DGCR2: variants seen among roughly 807,000 people sequenced by gnomAD.
DGCR2 encodes the protein integral membrane protein DGCR2/IDD.
DGCR2 carries 24 observed loss-of-function variants against 51.6 expected under a neutral mutation model. That is an observed-to-expected ratio of 0.47 (90% CI 0.34 to 0.65). DGCR2 has a LOEUF of 0.65. DGCR2 is among the 30% of genes least tolerant of loss of function. The pLI, the probability that DGCR2 is intolerant of heterozygous loss-of-function variation, is 0.01. For synonymous variants in DGCR2, 340 were observed against 315.4 expected, an observed-to-expected ratio of 1.08 and a Z score of -0.82; for missense variants, 765 against 772.1, an observed-to-expected ratio of 0.99 and a Z score of 0.11.
chr22:19,041,515 A>T (rs2082431853), intron 8 of DGCR2: 2 of 608,930 alleles, frequency 3.3e-6, no homozygotes, highest in Admixed American at 5.9e-5. Context: ...CTCTGGGCTG[A>T]CACTTCTGTC....
At chr22:19,095,427 C>T (rs557413374) in intron 1 of DGCR2, among the ~76,000 whole-genome samples, 2 of 151,992 alleles carry the variant, frequency 1.3e-5, no homozygotes, top group South Asian at 4.2e-4. Context: ...TTTGGGAGAC[C>T]GAGGCAGGCA....
chr22:19,063,232 A>C lies in DGCR2; in HGVS notation c.595T>G (p.Leu199Val). Reference protein sequence around the residue: ...QYVITGRNRSLEGRWEVAFKG... With the variant: ...QYVITGRNRSVEGRWEVAFKG... ...AATGCCACCTCCCAGCGACCTTCCA[A>C]GGAGCGGTTCCGGCCAGTGATAACA... is the stretch of plus-strand genomic sequence containing the variant. Residue 199 changes from leucine to valine, a missense_variant, in exon 5 of 10, where the codon TTG becomes GTG. Transcript: ENST00000263196. 6.2e-7 allele frequency: 1 copy of C among 1,614,212 alleles called. No individual in the cohort carries two copies. The highest frequency in any genetic ancestry group is 8.5e-7 in the Non-Finnish European group (1 of 1,180,040).
intron 7 of DGCR2, 27 bp downstream of exon 7, chr22:19,048,413 C>G (rs1339117210): frequency 3.1e-6 from 5 of 1,612,804 alleles, no homozygotes; most frequent in Non-Finnish European, 4.2e-6. Flanking sequence ...GGGAGGCTGA[C>G]TTGGGACGTC....
chr22:19,089,308 G>T, intron 2 of DGCR2, 60 bp downstream of exon 2: 1 of 1,501,410 alleles, frequency 6.7e-7, no homozygotes, highest in Admixed American at 2.0e-5. Flanking sequence ...AAGAGGCACA[G>T]TCACCCAGCT....
rs149032261 is a variant in DGCR2 at position 19,050,742 on chromosome 22, C to G, written c.803-2099G>C. ...AGCAAAGCTATACTGGACTAAAGAA[C>G]TTCACCTAAGTCTCACATCTTATTA... On this transcript the variant is annotated intron_variant, in intron 6 of 9. Coordinates refer to ENST00000263196, the MANE Select transcript of DGCR2 (RefSeq NM_005137.3). Among the ~76,000 whole-genome samples, 87 of 152,338 alleles carry G rather than the reference C, an allele frequency of 5.7e-4. No individual in the cohort carries two copies. The East Asian group carries it at 0.011, about 19-fold the overall frequency.
chr22:19,111,814 C>G (rs2083317093), intron 1 of DGCR2, among the ~76,000 whole-genome samples: 1 of 151,776 alleles, frequency 6.6e-6, no homozygotes, highest in Non-Finnish European at 1.5e-5. Context: ...GCCCAAATAG[C>G]CCTTGAACAT....
chr22:19,051,905 A>C (rs2146317318), intron 6 of DGCR2, among the ~76,000 whole-genome samples: 1 of 152,338 alleles, frequency 6.6e-6, no homozygotes, highest in South Asian at 2.1e-4. Flanking sequence ...CATACCTAAC[A>C]GAAGGGCTAA....
At chr22:19,043,147 G>T (rs979566714) in intron 7 of DGCR2, among the ~76,000 whole-genome samples, 1 of 152,254 alleles carries the variant, frequency 6.6e-6, no homozygotes, top group Non-Finnish European at 1.5e-5. Flanking sequence ...ACGCCAAGGA[G>T]CACTGAGTCT....
In DGCR2 at chr22:19,038,989, G is replaced by C. The variant is rs1236111275; in HGVS notation, c.1529C>G (p.Ser510Cys). 2 of 1,610,760 alleles carry C rather than the reference G, an allele frequency of 1.2e-6. No homozygotes were observed. Among genetic ancestry groups the C allele is most frequent in the East Asian group, 4.5e-5 (2 of 44,892 alleles). ...AGASLADLED[S>C]ADSSSALLVP... The stretch of plus-strand genomic sequence containing the variant: ...GAGCAGGGCGCTGCTGCTGTCGGCA[G>C]AGTCTTCCAGGTCTGCCAGAGAGGC... Residue 510 changes from serine (S) to cysteine (C), a missense_variant, in exon 10 of 10, where the codon TCT (serine) becomes TGT (cysteine). Ser to Cys is a moderately radical substitution (Grantham distance 112, BLOSUM62 -1). Around this residue, in one of 3 missense-constraint regions of DGCR2, gnomAD observed 205 missense variants for 181.4 expected, o/e 1.13. Transcript: ENST00000263196.
At position 19,037,221 on chromosome 22, in the gene DGCR2, C is replaced by T. The variant is rs1350696294; in HGVS notation, c.*1644G>A. The T allele has an allele frequency of 6.6e-6, 1 of 152,436 alleles. No homozygotes were observed. The highest frequency in any genetic ancestry group is 2.4e-5 in the African/African-American group (1 of 41,468). 9.4% of individuals were successfully genotyped at this position (152,436 alleles called of 1,614,324 possible). On this transcript the variant is annotated 3_prime_UTR_variant, in exon 10 of 10. Transcript: ENST00000263196. ...CCCGCACACAGCCTCCAGCATCATG[C>T]TCCAGCAGGCCAAGCTCAGGGACAG...
rs987003716 is a variant in DGCR2, at chr22:19,066,993, G to A, written c.328+1107C>T. On this transcript the variant is annotated intron_variant, in intron 3 of 9. Coordinates refer to ENST00000263196, the MANE Select transcript of DGCR2 (RefSeq NM_005137.3). ...CCCGTTCGGGCTGTGGGCACAGGCC[G>A]GAGACAAAGTGCATCACCAGGACAT... Among the ~76,000 whole-genome samples, 5 of 152,202 alleles carry A rather than the reference G, an allele frequency of 3.3e-5. No homozygotes were observed. The South Asian group carries it at 6.2e-4, about 19-fold the overall frequency.
At chr22:19,071,815 G>C (rs1398327456) in intron 2 of DGCR2, among the ~76,000 whole-genome samples, 1 of 152,120 alleles carries the variant, frequency 6.6e-6, no homozygotes, top group Non-Finnish European at 1.5e-5. Flanking sequence ...TTCTGTAGAG[G>C]ATTGTTCTTA....
intron 9 of DGCR2, among the ~76,000 whole-genome samples, chr22:19,039,718 C>CT (rs985482291): frequency 4.0e-5 from 6 of 151,262 alleles, no homozygotes; most frequent in South Asian, 2.1e-4. Context: ...TTATTACTTG[C>CT]TTTTTTTTTC....
At chr22:19,043,556 T>C (rs1000940805) in intron 7 of DGCR2, among the ~76,000 whole-genome samples, 1 of 152,112 alleles carries the variant, frequency 6.6e-6, no homozygotes, top group Non-Finnish European at 1.5e-5. Context: ...AGTAGCTTCC[T>C]CCACAGACCA....
intron 2 of DGCR2, among the ~76,000 whole-genome samples, chr22:19,068,781 G>A (rs1246975868): frequency 6.6e-6 from 1 of 152,268 alleles, no homozygotes; most frequent in African/African-American, 2.4e-5. Context: ...CTGGCTCTTT[G>A]GTGCTTGGCA....
intron 5 of DGCR2, chr22:19,060,991 A>G: frequency 3.2e-6 from 1 of 309,758 alleles, no homozygotes; most frequent in Non-Finnish European, 6.7e-6. Flanking sequence ...AAGATGGACA[A>G]CATGTAGATG....
intron 3 of DGCR2, 29 bp downstream of exon 3, chr22:19,068,071 G>A: frequency 6.5e-7 from 1 of 1,537,020 alleles, no homozygotes; most frequent in Non-Finnish European, 8.7e-7. Context: ...ACTCCCCAGT[G>A]TCCCAGTCAG....
intron 5 of DGCR2, among the ~76,000 whole-genome samples, chr22:19,060,053 G>C (rs953654420): frequency 6.6e-6 from 1 of 152,160 alleles, no homozygotes; most frequent in Non-Finnish European, 1.5e-5. Context: ...GCCCCACCAC[G>C]GTGGCAGCTG....
chr22:19,083,892 T>C (rs2082973539), intron 2 of DGCR2, among the ~76,000 whole-genome samples: 1 of 152,238 alleles, frequency 6.6e-6, no homozygotes, highest in African/African-American at 2.4e-5. Flanking sequence ...CTGGTTTTCA[T>C]ATTTTTTTTG....
Sources: gnomAD v4.1 joint callset for allele counts (sites outside exome capture counted in the v4.1 genomes callset) on GRCh38, gnomAD v4.1.1 for gene constraint, gnomAD v4.1.1 regional missense constraint, MANE v1.5 for transcripts, NCBI Gene and HGNC (gene_info 2026-07-23, HGNC 2026-07-21) for gene names.